The following ZNF292 variants were observed in gnomAD, a reference collection of about 807,000 sequenced individuals.
ZNF292 encodes the protein zinc finger protein 292.
ZNF292 carries 26 observed loss-of-function variants against 217.9 expected under a neutral mutation model. That is an observed-to-expected ratio of 0.12 (90% CI 0.09 to 0.17). ZNF292 has a LOEUF of 0.17. Among genes scored for constraint, ZNF292 ranks in the 10% least tolerant of loss-of-function variants. ZNF292 has a pLI of 1.00. For synonymous variants in ZNF292, 1,257 were observed against 1,124.1 expected, an observed-to-expected ratio of 1.12 and a Z score of -2.37; for missense variants, 2,904 against 3,175.2, an observed-to-expected ratio of 0.91 and a Z score of 2.05.
At chr6:87,245,482 T>C (rs1774527321) in intron 6 of ZNF292, 21 bp from the exon 7 acceptor site, 3 of 1,472,574 alleles carry the variant, frequency 2.0e-6, no homozygotes, top group Admixed American at 5.8e-5. Context: ...ACTTTTCTTA[T>C]TATAACTTTT....
rs1015458086 is a variant in ZNF292 at position 87,206,992 on chromosome 6, A to G, written c.169-8911A>G. The stretch of plus-strand genomic sequence containing the variant: ...AGTTTGTGAGTTAATGTGAATTAGC[A>G]GGAGGAGAGTTCTCTGAAATTGGAT... On this transcript the variant is annotated intron_variant, in intron 1 of 7. Transcript: ENST00000369577. Among the ~76,000 whole-genome samples the G allele has an allele frequency of 2.0e-5, 3 of 152,228 alleles. No homozygotes were observed. In the South Asian group the frequency reaches 6.2e-4, roughly 31 times the overall value.
chr6:87,258,345 G>T lies in ZNF292; in HGVS notation c.4716G>T (p.Thr1572=). Residue 1572 remains threonine, a synonymous_variant, in exon 8 of 8, where the codon ACG becomes ACT. Coordinates refer to ENST00000369577, the MANE Select transcript of ZNF292 (RefSeq NM_015021.3). The part of the protein sequence containing the change: ...EECSSLPVFP[T]NDLLLKTVEN... The stretch of plus-strand genomic sequence containing the variant: ...GTAGCAGCTTGCCTGTTTTTCCAAC[G>T]AATGACTTACTACTGAAGACTGTTG... 1 of 1,613,510 alleles carries T rather than the reference G, an allele frequency of 6.2e-7. No individual in the cohort carries two copies.
intron 1 of ZNF292, among the ~76,000 whole-genome samples, chr6:87,194,930 T>C (rs937706952): frequency 3.4e-5 from 3 of 88,348 alleles, no homozygotes; most frequent in African/African-American, 2.5e-4. Flanking sequence ...AAAAGCTCAT[T>C]TGAAAAAAAA....
intron 1 of ZNF292, among the ~76,000 whole-genome samples, chr6:87,161,234 T>C (rs971648966): frequency 1.3e-5 from 2 of 152,176 alleles, no homozygotes; most frequent in African/African-American, 2.4e-5. Flanking sequence ...ATTTGACATT[T>C]TGATATAATA....
At chr6:87,159,693 G>T (rs1166798245) in intron 1 of ZNF292, among the ~76,000 whole-genome samples, 1 of 151,622 alleles carries the variant, frequency 6.6e-6, no homozygotes, top group Non-Finnish European at 1.5e-5. Flanking sequence ...CTAGAGACAG[G>T]GTTTCTCCTT....
chr6:87,176,866 T>C (rs7739726), intron 1 of ZNF292, among the ~76,000 whole-genome samples: 95,251 of 151,968 alleles, frequency 0.63, 31,344 homozygotes, highest in African/African-American at 0.83. Flanking sequence ...TTCAGTCACC[T>C]GTGGAACTCT....
chr6:87,163,202 A>G (rs1031381097), intron 1 of ZNF292, among the ~76,000 whole-genome samples: 4 of 152,216 alleles, frequency 2.6e-5, no homozygotes, highest in Non-Finnish European at 5.9e-5. Context: ...CTGTAATCCT[A>G]GCACTTTGGG....
chr6:87,161,251 G>T (rs927412203), intron 1 of ZNF292, among the ~76,000 whole-genome samples: 1 of 152,060 alleles, frequency 6.6e-6, no homozygotes, highest in African/African-American at 2.4e-5. Flanking sequence ...AATAAATTCT[G>T]TACTTTTAAG....
At chr6:87,178,644 A>G (rs1771376105) in intron 1 of ZNF292, among the ~76,000 whole-genome samples, 2 of 152,230 alleles carry the variant, frequency 1.3e-5, no homozygotes, top group South Asian at 4.1e-4. Context: ...CCTCTCTGAA[A>G]TAGGTGGTTA....
chr6:87,255,048 A>C lies in ZNF292; in HGVS notation c.1419A>C (p.Leu473=). ...EASIVSSIDE[L]NDSEVYEKVV... ...CCATTGTGTCTTCAATAGATGAACT[A>C]AATGACAGTGAAGTATATGAAAAAG... The change falls in exon 8 of 8, where the codon CTA becomes CTC. Residue 473 remains leucine, a synonymous_variant. Coordinates refer to ENST00000369577, the MANE Select transcript of ZNF292 (RefSeq NM_015021.3). 1.2e-6 allele frequency: 2 copies of C among 1,613,830 alleles called. No individual in the cohort carries two copies. The highest frequency in any genetic ancestry group is 1.7e-6 in the Non-Finnish European group (2 of 1,179,858).
intron 1 of ZNF292, among the ~76,000 whole-genome samples, chr6:87,162,283 A>G (rs937371621): frequency 3.3e-5 from 5 of 152,244 alleles, no homozygotes; most frequent in Admixed American, 1.3e-4. Context: ...TTTAGATTAC[A>G]TATTTAGGAC....
intron 1 of ZNF292, among the ~76,000 whole-genome samples, chr6:87,185,930 A>T (rs985275608): frequency 3.9e-5 from 6 of 152,064 alleles, no homozygotes; most frequent in African/African-American, 1.4e-4. Context: ...CCCTCCAGAA[A>T]CCTCATGCAC....
intron 1 of ZNF292, among the ~76,000 whole-genome samples, chr6:87,210,335 T>C (rs1344482347): frequency 6.6e-6 from 1 of 152,254 alleles, no homozygotes; most frequent in East Asian, 1.9e-4. Context: ...TTGAGGATGA[T>C]GAACAATTAG....
intron 1 of ZNF292, among the ~76,000 whole-genome samples, chr6:87,159,893 T>G (rs1397092317): frequency 6.6e-6 from 1 of 152,222 alleles, no homozygotes. Context: ...AACCAACTCA[T>G]TTTCTTAAAA....
At chr6:87,238,934 C>T (rs1327082609) in intron 5 of ZNF292, among the ~76,000 whole-genome samples, 1 of 152,086 alleles carries the variant, frequency 6.6e-6, no homozygotes, top group African/African-American at 2.4e-5. Flanking sequence ...ACATCTTGCA[C>T]CGCCCTTAAT....
At chr6:87,251,095 C>A (rs1014552439) in intron 7 of ZNF292, among the ~76,000 whole-genome samples, 1 of 152,072 alleles carries the variant, frequency 6.6e-6, no homozygotes, top group Non-Finnish European at 1.5e-5. Context: ...CAGAAAAAAA[C>A]ACATAAAGTA....
chr6:87,250,169 G>A (rs1033932961), intron 7 of ZNF292, among the ~76,000 whole-genome samples: 11 of 151,982 alleles, frequency 7.2e-5, no homozygotes, highest in Admixed American at 7.2e-4. Flanking sequence ...AAATATTCAG[G>A]GGCCAGGTGT....
rs1210149856 is a variant in ZNF292 at position 87,261,232 on chromosome 6, A to G, written c.7603A>G (p.Lys2535Glu). Residue 2535 changes from lysine to glutamate, a missense_variant, in exon 8 of 8, where the codon AAG becomes GAG. By Grantham distance (56) the Lys-to-Glu change is moderately conservative (BLOSUM62 1). Around this residue, in one of 15 missense-constraint regions of ZNF292, gnomAD observed 380 missense variants for 355.3 expected, o/e 1.07. Coordinates refer to ENST00000369577, the MANE Select transcript of ZNF292 (RefSeq NM_015021.3). The part of the protein sequence containing the change: ...QKASNLKRVN[K>E]EKNVSQNKKR... ...AGCAAGTAATTTGAAGAGAGTTAATAAGGAAAAAAATGTCTCACAAAATAA... is the reference window on the plus strand; with the variant it reads ...AGCAAGTAATTTGAAGAGAGTTAATGAGGAAAAAAATGTCTCACAAAATAA... 18 of 1,610,320 alleles carry G rather than the reference A, an allele frequency of 1.1e-5. No homozygotes were observed. In the Admixed American group the frequency reaches 2.9e-4, roughly 26 times the overall value.
chr6:87,190,886 A>T (rs1011079750), intron 1 of ZNF292, among the ~76,000 whole-genome samples: 9 of 152,202 alleles, frequency 5.9e-5, no homozygotes, highest in African/African-American at 2.2e-4. Flanking sequence ...TATAAAAGTA[A>T]CATTTTTCTT....
Sources: gnomAD v4.1 joint callset for allele counts (sites outside exome capture counted in the v4.1 genomes callset) on GRCh38, gnomAD v4.1.1 for gene constraint, gnomAD v4.1.1 regional missense constraint, MANE v1.5 for transcripts, NCBI Gene and HGNC (gene_info 2026-07-23, HGNC 2026-07-21) for gene names.